SLC2A9: variants seen among roughly 807,000 people sequenced by gnomAD.
The protein encoded by SLC2A9 is solute carrier family 2 member 9.
In SLC2A9, 39 loss-of-function variants were observed where a neutral mutation model predicts 50.6. The observed-to-expected ratio is 0.77, with a 90% CI of 0.60 to 1.01. The LOEUF (loss-of-function observed/expected upper bound fraction) is 1.01. Ranked by LOEUF, SLC2A9 falls within the 50% of genes least tolerant of loss-of-function variation. The probability of loss-of-function intolerance (pLI) is 0.00; values close to 1 mark genes in which losing one functional copy is unlikely to be tolerated. For missense variants in SLC2A9, 686 were observed against 677.6 expected, an observed-to-expected ratio of 1.01 and a Z score of -0.14; for synonymous variants, 324 against 276.9, an observed-to-expected ratio of 1.17 and a Z score of -1.69.
chr4:9,822,421 C>A (rs888706423), downstream of SLC2A9, among the ~76,000 whole-genome samples: 4 of 152,066 alleles, frequency 2.6e-5, no homozygotes, highest in East Asian at 7.7e-4. Flanking sequence ...CTCAATTGAC[C>A]CATTTATAAC....
chr4:9,965,719 C>T (rs1403297834), intron 5 of SLC2A9, among the ~76,000 whole-genome samples: 1 of 152,142 alleles, frequency 6.6e-6, no homozygotes, highest in South Asian at 2.1e-4. Context: ...TTTATGGTAT[C>T]TGTTTTTACA....
At chr4:9,810,990 G>A (rs963947111) in intron 3 of SLC2A9, among the ~76,000 whole-genome samples, 14 of 152,138 alleles carry the variant, frequency 9.2e-5, no homozygotes, top group African/African-American at 2.9e-4. Flanking sequence ...TCTGGTTTGC[G>A]GGAGATTCCC....
chr4:9,772,633 G>A (rs1380574140), intron 1 of SLC2A9, among the ~76,000 whole-genome samples: 1 of 152,176 alleles, frequency 6.6e-6, no homozygotes, highest in East Asian at 1.9e-4. Flanking sequence ...CTTCCCAGCT[G>A]ACTGCAAATT....
intron 2 of SLC2A9, among the ~76,000 whole-genome samples, chr4:9,998,951 A>T (rs1759276842): frequency 1.3e-5 from 2 of 152,170 alleles, no homozygotes; most frequent in Non-Finnish European, 2.9e-5. Flanking sequence ...CCAAATTAAA[A>T]TTTTTTGGAG....
At chr4:9,790,564 G>A (rs1187809619) in intron 3 of SLC2A9, among the ~76,000 whole-genome samples, 1 of 152,176 alleles carries the variant, frequency 6.6e-6, no homozygotes, top group African/African-American at 2.4e-5. Context: ...ATGACATGGA[G>A]GGGCCTGGTT....
intron 1 of SLC2A9, chr4:10,019,354 G>A (rs1335734288): frequency 1.5e-5 from 8 of 520,110 alleles, no homozygotes; most frequent in Admixed American, 3.3e-5. Flanking sequence ...TTCAGCAGCT[G>A]CTCTGGGCAG....
chr4:10,013,298 C>T (rs969108902), intron 2 of SLC2A9, among the ~76,000 whole-genome samples: 3 of 152,210 alleles, frequency 2.0e-5, no homozygotes, highest in African/African-American at 7.2e-5. Context: ...TGTTCACATC[C>T]CATCCACCAA....
intron 10 of SLC2A9, among the ~76,000 whole-genome samples, chr4:9,849,665 C>T (rs1729543494): frequency 6.6e-6 from 1 of 152,106 alleles, no homozygotes; most frequent in South Asian, 2.1e-4. Flanking sequence ...ACTGTTAATT[C>T]TAATTAAAAA....
chr4:9,880,309 T>A (rs1193188575), intron 10 of SLC2A9: 2 of 985,568 alleles, frequency 2.0e-6, no homozygotes, highest in Non-Finnish European at 2.4e-6. Context: ...GCCCAGGTGC[T>A]GGGTCAACAC....
chr4:9,896,965 T>C (rs961365815), intron 8 of SLC2A9, among the ~76,000 whole-genome samples: 8 of 152,242 alleles, frequency 5.3e-5, no homozygotes, highest in Non-Finnish European at 1.2e-4. Flanking sequence ...CAATCCTTGC[T>C]ATGTACCAGG....
intron 3 of SLC2A9, among the ~76,000 whole-genome samples, chr4:9,794,010 C>T (rs1417974368): frequency 6.6e-6 from 1 of 152,186 alleles, no homozygotes; most frequent in Non-Finnish European, 1.5e-5. Context: ...AATGATTAAA[C>T]GTTTCTGAAT....
intron 8 of SLC2A9, among the ~76,000 whole-genome samples, chr4:9,904,409 A>G (rs1002544175): frequency 5.3e-5 from 8 of 152,070 alleles, no homozygotes; most frequent in African/African-American, 1.7e-4. Flanking sequence ...TGCTTCCACC[A>G]TCACATCTCC....
At chr4:9,781,420 A>G (rs1447345097) in intron 3 of SLC2A9, among the ~76,000 whole-genome samples, 1 of 152,042 alleles carries the variant, frequency 6.6e-6, no homozygotes, top group Non-Finnish European at 1.5e-5. Flanking sequence ...TGCGCCAAGC[A>G]CCCTTCGGTT....
At chr4:9,880,013 C>T (rs1040436196) in intron 10 of SLC2A9, 1 of 985,344 alleles carries the variant, frequency 1.0e-6, no homozygotes, top group Non-Finnish European at 1.2e-6. Flanking sequence ...TGGCCCTCTC[C>T]TGGGAGATCC....
chr4:9,968,778 CT>C (rs1753442378), intron 5 of SLC2A9, among the ~76,000 whole-genome samples: 1 of 152,162 alleles, frequency 6.6e-6, no homozygotes. Flanking sequence ...TTTTTAGTAA[CT>C]GGCCTAAGAA....
At chr4:9,908,466 G>A in intron 7 of SLC2A9, 121 bp from the exon 8 acceptor site, 1 of 554,054 alleles carries the variant, frequency 1.8e-6, no homozygotes, top group South Asian at 2.8e-5. Context: ...AGGTGGAGAG[G>A]CGTGGATGCT....
intron 5 of SLC2A9, among the ~76,000 whole-genome samples, chr4:9,978,493 T>A (rs903886728): frequency 6.6e-6 from 1 of 152,270 alleles, no homozygotes; most frequent in Non-Finnish European, 1.5e-5. Context: ...CATTGACTTT[T>A]AAATGTATTT....
chr4:9,806,465 T>TG (rs1312005356), intron 3 of SLC2A9, among the ~76,000 whole-genome samples: 12 of 152,228 alleles, frequency 7.9e-5, no homozygotes, highest in African/African-American at 2.9e-4. Context: ...TCAGTAAATA[T>TG]GTGGGTAAAT....
chr4:9,884,152 A>C (rs533549739), intron 10 of SLC2A9, among the ~76,000 whole-genome samples: 158 of 152,342 alleles, frequency 1.0e-3, no homozygotes, highest in African/African-American at 3.7e-3. Flanking sequence ...TCATTCAGAG[A>C]CATATTTGTT....
Sources: gnomAD v4.1 joint callset for allele counts (sites outside exome capture counted in the v4.1 genomes callset) on GRCh38, gnomAD v4.1.1 for gene constraint, MANE v1.5 for transcripts, NCBI Gene and HGNC (gene_info 2026-07-23, HGNC 2026-07-21) for gene names.